Variants in SV2C observed in about 807,000 individuals in gnomAD.
SV2C encodes the protein synaptic vesicle glycoprotein 2C.
SV2C carries 49 observed loss-of-function variants against 79.7 expected under a neutral mutation model. That is an observed-to-expected ratio of 0.61 (90% CI 0.49 to 0.78). SV2C has a LOEUF of 0.78. Among genes scored for constraint, SV2C ranks in the 30% least tolerant of loss-of-function variants. The pLI is 0.00. For synonymous variants in SV2C, 334 were observed against 333.2 expected, an observed-to-expected ratio of 1.00 and a Z score of -0.03; for missense variants, 833 against 912.9, an observed-to-expected ratio of 0.91 and a Z score of 1.13.
intron 1 of SV2C, among the ~76,000 whole-genome samples, chr5:76,124,536 C>A (rs1748637489): frequency 6.6e-6 from 1 of 152,272 alleles, no homozygotes; most frequent in East Asian, 1.9e-4. Flanking sequence ...GGGTTGCTTC[C>A]TTGATTGAGC....
intron 2 of SV2C, among the ~76,000 whole-genome samples, chr5:76,171,726 C>T (rs1182497590): frequency 1.4e-3 from 194 of 135,794 alleles, no homozygotes; most frequent in African/African-American, 4.4e-3. Flanking sequence ...GTCAGCCCCC[C>T]GCCTGGCCAG....
chr5:75,852,474 A>G, the SV2C span, among the ~76,000 whole-genome samples: 5 of 152,230 alleles, frequency 3.3e-5, no homozygotes, highest in African/African-American at 7.2e-5. Flanking sequence ...ATAGGAAACA[A>G]TGCAAGGTAA....
intron 12 of SV2C, among the ~76,000 whole-genome samples, chr5:76,351,809 T>C (rs1017460524): frequency 6.6e-6 from 1 of 152,190 alleles, no homozygotes; most frequent in East Asian, 1.9e-4. Context: ...GGACCCGGTA[T>C]ACAAATTTCT....
intron 2 of SV2C, among the ~76,000 whole-genome samples, chr5:76,134,759 G>A (rs1749013650): frequency 6.6e-6 from 1 of 152,174 alleles, no homozygotes; most frequent in Non-Finnish European, 1.5e-5. Context: ...AGAAGTTAGA[G>A]TAAATATTTA....
At chr5:75,934,319 T>TTTTTTTTTCC in the SV2C span, among the ~76,000 whole-genome samples, 1 of 146,864 alleles carries the variant, frequency 6.8e-6, no homozygotes. Context: ...TTTTTTTTTT[T>TTTTTTTTTCC]CACTGTCGCT....
At chr5:76,217,881 AAGGGGCATGTACTATATAAAG>A (rs1484181915) in intron 4 of SV2C, among the ~76,000 whole-genome samples, 1 of 152,218 alleles carries the variant, frequency 6.6e-6, no homozygotes, top group Non-Finnish European at 1.5e-5. Flanking sequence ...TTTAATATTC[AAGGGGCATGTACTATATAAAG>A]ACCCATTTTC....
At chr5:75,996,818 T>G in the SV2C span, among the ~76,000 whole-genome samples, 1 of 149,470 alleles carries the variant, frequency 6.7e-6, no homozygotes, top group South Asian at 2.1e-4. Context: ...CGCTTGTGAT[T>G]TTTGCGCATT....
rs369669884 is a variant in SV2C, at chr5:76,208,559, A to G, written c.762-1177A>G. Among the ~76,000 whole-genome samples the G allele has an allele frequency of 2.6e-5, 4 of 152,324 alleles. No individual in the cohort carries two copies. The East Asian group carries it at 5.8e-4, about 22-fold the overall frequency. ...TGCTGCCAAAATGACCTTTCCCTAA[A>G]TTGCATTTGTTAAGAACACTGCCAA... On this transcript the variant is annotated intron_variant, in intron 3 of 12. Transcript: ENST00000502798.
At chr5:76,175,106 A>C (rs1234280453) in intron 2 of SV2C, among the ~76,000 whole-genome samples, 1 of 152,210 alleles carries the variant, frequency 6.6e-6, no homozygotes, top group African/African-American at 2.4e-5. Context: ...AAAAAACACT[A>C]CACGGAAAAG....
chr5:76,065,486 T>C, the SV2C span, among the ~76,000 whole-genome samples: 3 of 152,216 alleles, frequency 2.0e-5, no homozygotes, highest in Non-Finnish European at 2.9e-5. Context: ...TACATCTGTT[T>C]AGTAAGCCGT....
chr5:76,034,885 G>A, the SV2C span, among the ~76,000 whole-genome samples: 2 of 152,042 alleles, frequency 1.3e-5, no homozygotes, highest in African/African-American at 4.8e-5. Flanking sequence ...GTCCTGGACT[G>A]TTTCTGGTTG....
chr5:76,080,459 C>G (rs368293062), upstream of SV2C, among the ~76,000 whole-genome samples: 3 of 152,108 alleles, frequency 2.0e-5, 1 homozygote, highest in East Asian at 5.8e-4. Flanking sequence ...ACCAGTTCTC[C>G]AAAGCGCAGG....
chr5:76,162,211 A>T (rs1742916675), intron 2 of SV2C, among the ~76,000 whole-genome samples: 1 of 152,220 alleles, frequency 6.6e-6, no homozygotes, highest in Admixed American at 6.5e-5. Flanking sequence ...AGATAATGAT[A>T]TTCTTGAGGT....
At chr5:75,954,170 T>C in the SV2C span, among the ~76,000 whole-genome samples, 13 of 151,972 alleles carry the variant, frequency 8.6e-5, no homozygotes, top group Non-Finnish European at 1.6e-4. Context: ...ACGCACTGCC[T>C]TATGCATTCT....
At chr5:75,932,953 C>T in the SV2C span, among the ~76,000 whole-genome samples, 1 of 152,200 alleles carries the variant, frequency 6.6e-6, no homozygotes, top group Non-Finnish European at 1.5e-5. Context: ...GCTGTATCAT[C>T]TGGTCCTTGC....
intron 4 of SV2C, among the ~76,000 whole-genome samples, chr5:76,210,813 ACCCAGGAAATT>A (rs1744746753): frequency 6.6e-6 from 1 of 152,198 alleles, no homozygotes; most frequent in Admixed American, 6.5e-5. Context: ...TGCTCCTATT[ACCCAGGAAATT>A]CCCAGGAAAT....
At chr5:76,124,707 G>A (rs1297964928) in intron 1 of SV2C, among the ~76,000 whole-genome samples, 2 of 152,274 alleles carry the variant, frequency 1.3e-5, no homozygotes, top group Non-Finnish European at 2.9e-5. Context: ...CACAGAGGCT[G>A]TACCATTTCA....
chr5:76,268,524 G>A lies in SV2C; in HGVS notation c.914-16638G>A, dbSNP rs113161393. Among the ~76,000 whole-genome samples, 1,364 of 152,304 alleles carry A rather than the reference G, an allele frequency of 9.0e-3. 12 individuals are homozygous for A. Among genetic ancestry groups the A allele is most frequent in the Non-Finnish European group, 0.014 (961 of 68,036 alleles). On this transcript the variant is annotated intron_variant, in intron 4 of 12. Transcript: ENST00000502798. ...TTGTAGGGACATGTGGTTAGTGCCA[G>A]GTGCTTTTATTAAGGATGCTGTTTC...
chr5:76,271,766 G>A (rs1199830890), intron 4 of SV2C, among the ~76,000 whole-genome samples: 1 of 151,914 alleles, frequency 6.6e-6, no homozygotes, highest in African/African-American at 2.4e-5. Flanking sequence ...CGCGCCCGGC[G>A]TATGTGCTCT....
Sources: allele counts gnomAD v4.1 joint callset (sites outside exome capture counted in the v4.1 genomes callset), GRCh38; gene constraint gnomAD v4.1.1; transcripts MANE v1.5; gene names NCBI Gene and HGNC (gene_info 2026-07-23, HGNC 2026-07-21).